Variants in MARCHF7 observed in about 807,000 individuals in gnomAD.
MARCHF7 encodes the protein membrane associated ring-CH-type finger 7, also known as E3 ubiquitin-protein ligase MARCHF7.
Under a neutral mutation model 76.5 loss-of-function variants are expected in MARCHF7, and 20 were observed. The observed-to-expected ratio is 0.26, with a 90% CI of 0.18 to 0.38. MARCHF7 has a LOEUF of 0.38. Among genes scored for constraint, MARCHF7 ranks in the 10% least tolerant of loss-of-function variants. The probability of loss-of-function intolerance (pLI) is 1.00; values close to 1 mark genes in which losing one functional copy is unlikely to be tolerated. For synonymous variants in MARCHF7, 295 were observed against 293.0 expected, an observed-to-expected ratio of 1.01 and a Z score of -0.07; for missense variants, 797 against 812.9, an observed-to-expected ratio of 0.98 and a Z score of 0.24.
Position 159,767,306 on chromosome 2 carries a change from A to C in MARCHF7, c.2079A>C (p.Glu693Asp), listed in dbSNP as rs770335832. 13 of 1,611,764 alleles carry C rather than the reference A, an allele frequency of 8.1e-6. No individual in the cohort carries two copies. The highest frequency in any genetic ancestry group is 1.1e-5 in the Non-Finnish European group (13 of 1,178,514). The change falls in exon 12 of 12, where the codon GAA becomes GAC. Residue 693 changes from glutamate (E) to aspartate (D), a missense_variant. Around this residue, in one of 3 missense-constraint regions of MARCHF7, gnomAD observed 124 missense variants for 121.3 expected, o/e 1.02. Transcript: ENST00000409175. ...CAGCTTCAGAGGATGATTCCGAAGA[A>C]GACGGAGACCATAACAGGACATTTG... ...DLETSEDDSE[E>D]DGDHNRTFDI...
chr2:159,733,750 T>A (rs1703105430), intron 4 of MARCHF7: 1 of 985,418 alleles, frequency 1.0e-6, no homozygotes, highest in African/African-American at 1.7e-5. Context: ...AGAACATTTT[T>A]TACTTCTGTT....
At chr2:159,765,270 T>C (rs531173164) in intron 11 of MARCHF7, among the ~76,000 whole-genome samples, 1 of 152,036 alleles carries the variant, frequency 6.6e-6, no homozygotes, top group South Asian at 2.1e-4. Context: ...TGCCAACAGC[T>C]CAAATCTCTT....
intron 6 of MARCHF7, among the ~76,000 whole-genome samples, 158 bp downstream of exon 6, chr2:159,746,095 T>C (rs1704843291): frequency 6.6e-6 from 1 of 152,200 alleles, no homozygotes; most frequent in Non-Finnish European, 1.5e-5. Context: ...GTTTTGACCT[T>C]AAAAAATAAT....
intron 4 of MARCHF7, among the ~76,000 whole-genome samples, chr2:159,735,767 A>G (rs1425141093): frequency 6.6e-6 from 1 of 152,188 alleles, no homozygotes; most frequent in Non-Finnish European, 1.5e-5. Flanking sequence ...GACTATTATG[A>G]ATAATGCTGC....
chr2:159,719,954 G>A lies in MARCHF7; in HGVS notation c.-15+4188G>A, dbSNP rs139392161. 2.8e-3 allele frequency among the ~76,000 whole-genome samples: 424 copies of A among 152,244 alleles called. 2 individuals are homozygous for A. Among genetic ancestry groups the A allele is most frequent in the Non-Finnish European group, 4.1e-3 (277 of 68,014 alleles). On this transcript the variant is annotated intron_variant, in intron 3 of 11. Transcript: ENST00000409175. ...TTTATTATTGCTTTATTTACCTTCAGAGTATTCCAGTAGTGGACTGCCGCT... is the reference window on the plus strand; with the variant it reads ...TTTATTATTGCTTTATTTACCTTCAAAGTATTCCAGTAGTGGACTGCCGCT...
At chr2:159,731,092 C>T (rs1000098893) in intron 4 of MARCHF7, among the ~76,000 whole-genome samples, 4 of 152,100 alleles carry the variant, frequency 2.6e-5, no homozygotes, top group African/African-American at 4.8e-5. Flanking sequence ...TGGGGTTTCG[C>T]TATGTTGCCC....
At chr2:159,731,307 G>A (rs1262315011) in intron 4 of MARCHF7, among the ~76,000 whole-genome samples, 1 of 152,108 alleles carries the variant, frequency 6.6e-6, no homozygotes, top group Non-Finnish European at 1.5e-5. Context: ...GTTAGCTACT[G>A]TTGCATGTTT....
chr2:159,737,564 G>A (rs1703607307), intron 4 of MARCHF7, among the ~76,000 whole-genome samples: 1 of 152,182 alleles, frequency 6.6e-6, no homozygotes, highest in Non-Finnish European at 1.5e-5. Flanking sequence ...AATCTGGGAG[G>A]ATTGCTTGAA....
At chr2:159,740,880 A>G (rs1403817341) in intron 4 of MARCHF7, among the ~76,000 whole-genome samples, 2 of 152,194 alleles carry the variant, frequency 1.3e-5, no homozygotes, top group Non-Finnish European at 2.9e-5. Context: ...TATGTTTCTC[A>G]TAATTGAACC....
intron 10 of MARCHF7, among the ~76,000 whole-genome samples, chr2:159,764,029 A>G (rs1447570165): frequency 6.6e-6 from 1 of 152,196 alleles, no homozygotes; most frequent in East Asian, 1.9e-4. Context: ...AATAAACCAT[A>G]TAAAACATTT....
chr2:159,733,703 A>C (rs372142732), intron 4 of MARCHF7: 2 of 985,314 alleles, frequency 2.0e-6, no homozygotes, highest in Non-Finnish European at 1.2e-6. Flanking sequence ...TTATAGACTT[A>C]ATATGGGAAC....
rs779336801 is a variant in MARCHF7 at position 159,752,500 on chromosome 2, A to G, written c.1712A>G (p.Lys571Arg). The change falls in exon 8 of 12, where the codon AAG (lysine) becomes AGG (arginine). Residue 571 changes from lysine (K) to arginine (R), a missense_variant. By Grantham distance (26) the Lys-to-Arg change is conservative. This residue lies in a region of MARCHF7 where 30 missense variants were observed against 60.1 expected (regional missense o/e 0.50). Transcript: ENST00000409175. The part of the protein sequence containing the change: ...SSSNLLIEPC[K>R]CTGSLQYVHQ... Reference sequence around the variant, plus strand: ...TCTAATTTGCTGATAGAGCCATGCAAGTGCACAGGAAGTTTGCAGTATGTC... The same window carrying G: ...TCTAATTTGCTGATAGAGCCATGCAGGTGCACAGGAAGTTTGCAGTATGTC... 9 of 1,604,774 alleles carry G rather than the reference A, an allele frequency of 5.6e-6. No homozygotes were observed. In the South Asian group the frequency reaches 6.7e-5, roughly 12 times the overall value.
At chr2:159,724,611 A>G (rs530380457) in intron 3 of MARCHF7, among the ~76,000 whole-genome samples, 13 of 152,304 alleles carry the variant, frequency 8.5e-5, no homozygotes, top group African/African-American at 2.9e-4. Flanking sequence ...TAACAAGTAT[A>G]TGGCATTTTG....
intron 7 of MARCHF7, 62 bp from the exon 8 acceptor site, chr2:159,752,340 T>C: frequency 7.0e-7 from 1 of 1,434,916 alleles, no homozygotes; most frequent in Admixed American, 2.7e-5. Flanking sequence ...TGATTATGTA[T>C]GACTGAAGTA....
At chr2:159,737,248 G>C (rs1393177486) in intron 4 of MARCHF7, among the ~76,000 whole-genome samples, 1 of 152,144 alleles carries the variant, frequency 6.6e-6, no homozygotes, top group Non-Finnish European at 1.5e-5. Context: ...CAGAATGAGA[G>C]AAAATATTTG....
chr2:159,732,590 G>A (rs981402209), intron 4 of MARCHF7, among the ~76,000 whole-genome samples: 10 of 152,128 alleles, frequency 6.6e-5, no homozygotes, highest in Admixed American at 2.0e-4. Flanking sequence ...ATGACTCGGC[G>A]CAGCCACAAC....
At chr2:159,728,006 A>T (rs947341875) in intron 3 of MARCHF7, among the ~76,000 whole-genome samples, 10 of 152,258 alleles carry the variant, frequency 6.6e-5, no homozygotes, top group African/African-American at 2.4e-4. Context: ...TTATTTGCAT[A>T]AATAGAATCA....
chr2:159,748,197 T>G lies in MARCHF7; in HGVS notation c.907T>G (p.Ser303Ala), dbSNP rs1705136220. ...TTTTTCACGAAGATCTAGTCAGGAT[T>G]CCTTGAATACAAGATCATTGAATTC... ...TFFSRRSSQDSLNTRSLNSEN... is the reference protein window; with the variant it reads ...TFFSRRSSQDALNTRSLNSEN... Residue 303 changes from serine to alanine, a missense_variant, in exon 7 of 12, where the codon TCC (serine) becomes GCC (alanine). Ser to Ala is a moderately conservative substitution (Grantham distance 99). Around this residue, in one of 3 missense-constraint regions of MARCHF7, gnomAD observed 643 missense variants for 631.5 expected, o/e 1.02. Transcript: ENST00000409175. 1.2e-6 allele frequency: 2 copies of G among 1,613,782 alleles called. No homozygotes were observed. Among genetic ancestry groups the G allele is most frequent in the Non-Finnish European group, 1.7e-6 (2 of 1,179,942 alleles).
At chr2:159,753,805 C>T (rs1170371925) in intron 8 of MARCHF7, among the ~76,000 whole-genome samples, 1 of 151,930 alleles carries the variant, frequency 6.6e-6, no homozygotes, top group Non-Finnish European at 1.5e-5. Context: ...GCAGTGTGAT[C>T]GTGATGATAG....
Sources: gnomAD v4.1 joint callset for allele counts (sites outside exome capture counted in the v4.1 genomes callset) on GRCh38, gnomAD v4.1.1 for gene constraint, gnomAD v4.1.1 regional missense constraint, MANE v1.5 for transcripts, NCBI Gene and HGNC (gene_info 2026-07-23, HGNC 2026-07-21) for gene names.